The following CARM1 variants were observed in gnomAD, a reference collection of about 807,000 sequenced individuals.
The protein encoded by CARM1 is coactivator associated arginine methyltransferase 1.
In CARM1, 14 loss-of-function variants were observed where a neutral mutation model predicts 72.7. That is an observed-to-expected ratio of 0.19 (90% CI 0.13 to 0.30). The LOEUF is 0.30. Among genes scored for constraint, CARM1 ranks in the 10% least tolerant of loss-of-function variants. CARM1 has a pLI of 1.00. For synonymous variants in CARM1, 333 were observed against 345.5 expected, an observed-to-expected ratio of 0.96 and a Z score of 0.40; for missense variants, 432 against 833.7, an observed-to-expected ratio of 0.52 and a Z score of 5.93.
At chr19:10,894,859 A>G (rs1206655705) in intron 1 of CARM1, among the ~76,000 whole-genome samples, 1 of 150,698 alleles carries the variant, frequency 6.6e-6, no homozygotes, top group Non-Finnish European at 1.5e-5. Flanking sequence ...TCCTGCCACA[A>G]CTTCCCACAT....
At chr19:10,900,798 C>G (rs968716818) in intron 1 of CARM1, among the ~76,000 whole-genome samples, 18 of 152,064 alleles carry the variant, frequency 1.2e-4, no homozygotes, top group Non-Finnish European at 2.5e-4. Context: ...ATTCTCCTGC[C>G]TCAGCCTCCC....
At chr19:10,910,973 C>G (rs1409207801) in intron 4 of CARM1, among the ~76,000 whole-genome samples, 1 of 152,212 alleles carries the variant, frequency 6.6e-6, no homozygotes, top group Admixed American at 6.5e-5. Flanking sequence ...TCACTGCAGC[C>G]TCTGCCTCCT....
chr19:10,888,832 C>G (rs1274402370), intron 1 of CARM1, among the ~76,000 whole-genome samples: 4 of 152,336 alleles, frequency 2.6e-5, no homozygotes, highest in Non-Finnish European at 4.4e-5. Flanking sequence ...GGTGCCCCGT[C>G]TCTTTTTCAG....
chr19:10,904,811 GC>G, intron 1 of CARM1, 139 bp from the exon 2 acceptor site: 1 of 1,095,840 alleles, frequency 9.1e-7, no homozygotes, highest in South Asian at 1.5e-5. Context: ...ACCCGGCAAT[GC>G]TGCCAGGGTG....
At chr19:10,905,960 T>C (rs560585019) in intron 2 of CARM1, among the ~76,000 whole-genome samples, 126 of 147,076 alleles carry the variant, frequency 8.6e-4, no homozygotes, top group African/African-American at 3.1e-3. Flanking sequence ...TTTTTTTTTT[T>C]TTTTTTGAGA....
chr19:10,916,545 C>T lies in CARM1; in HGVS notation c.938+48C>T, dbSNP rs2074198204. The T allele has an allele frequency of 1.3e-6, 2 of 1,489,804 alleles. No individual in the cohort carries two copies. The highest frequency in any genetic ancestry group is 1.1e-5 in the South Asian group (1 of 88,176). 92.3% of individuals were successfully genotyped at this position (1,489,804 alleles called of 1,614,324 possible). A position where few individuals can be genotyped will look rare whatever the true frequency, so the allele number is the denominator to read the frequency against. On this transcript the variant is annotated intron_variant, in intron 7 of 15. Coordinates refer to ENST00000327064, the MANE Select transcript of CARM1 (RefSeq NM_199141.2). This position sits in a 1 kb window ranked among gnomAD's most constrained non-coding sequence, Gnocchi z 4.4. ...GCCTGGGCCCCACAGCCTGCCTTCT[C>T]AGGGACAGCCCCAGCTCCCCAGAGA...
intron 3 of CARM1, chr19:10,908,771 CT>C (rs1292108881): frequency 3.8e-6 from 1 of 260,922 alleles, no homozygotes; most frequent in African/African-American, 2.3e-5. Context: ...TGCTTCTCTT[CT>C]TCTTTGGGGC....
chr19:10,879,203 G>A (rs1239131640), intron 1 of CARM1, among the ~76,000 whole-genome samples: 2 of 152,226 alleles, frequency 1.3e-5, no homozygotes, highest in African/African-American at 4.8e-5. Context: ...GACAGAGGAA[G>A]GGACAAAGGA....
At chr19:10,913,078 C>T (rs1261656923) in intron 5 of CARM1, among the ~76,000 whole-genome samples, 2 of 152,044 alleles carry the variant, frequency 1.3e-5, no homozygotes, top group South Asian at 2.1e-4. Flanking sequence ...CAGCAGGGGA[C>T]GGCCCTGAGG....
chr19:10,912,133 C>T lies in CARM1; in HGVS notation c.559-51C>T, dbSNP rs560090793. On this transcript the variant is annotated intron_variant, in intron 4 of 15. Transcript: ENST00000327064. The surrounding 1 kb of genome is among the most constrained non-coding windows in gnomAD (Gnocchi z 4.5). ...ATCCCTTATGATCACTGTCACCTCC[C>T]CATCACCGTCGCCTCCTATGTCTCG... is the stretch of plus-strand genomic sequence containing the variant. 1.9e-5 allele frequency: 24 copies of T among 1,275,848 alleles called. No individual in the cohort carries two copies. In the East Asian group the frequency reaches 5.5e-4, roughly 29 times the overall value. 79.0% of individuals were successfully genotyped at this position (1,275,848 alleles called of 1,614,324 possible).
chr19:10,920,352 T>C lies in CARM1; in HGVS notation c.1197-84T>C. ...GGTCCCTGGCAGAGGGGGCAGGTGC[T>C]TGGGGAGGACTCAAGGCATACAAGG... On this transcript the variant is annotated intron_variant, in intron 10 of 15. Coordinates refer to ENST00000327064, the MANE Select transcript of CARM1 (RefSeq NM_199141.2). This position sits in a 1 kb window ranked among gnomAD's most constrained non-coding sequence, Gnocchi z 5.3. 3.3e-6 allele frequency: 5 copies of C among 1,495,666 alleles called. No homozygotes were observed. The highest frequency in any genetic ancestry group is 4.5e-6 in the Non-Finnish European group (5 of 1,104,572). The allele number at this position is 1,495,666 out of a possible 1,614,324, so 92.6% of individuals were successfully genotyped here.
chr19:10,899,270 C>T (rs1346572832), intron 1 of CARM1, among the ~76,000 whole-genome samples: 1 of 152,222 alleles, frequency 6.6e-6, no homozygotes, highest in Non-Finnish European at 1.5e-5. Flanking sequence ...CTGTAGTTGC[C>T]TGCCTGGCGC....
rs1056865609 is a variant in CARM1 at position 10,871,931 on chromosome 19, G to C, written c.220+9G>C. 28 of 1,183,742 alleles carry C rather than the reference G, an allele frequency of 2.4e-5. No homozygotes were observed. Among genetic ancestry groups the C allele is most frequent in the Non-Finnish European group, 2.8e-5 (27 of 956,492 alleles). The allele number at this position is 1,183,742 out of a possible 1,614,324, so 73.3% of individuals were successfully genotyped here. On this transcript the variant is annotated intron_variant, in intron 1 of 15. Coordinates refer to ENST00000327064, the MANE Select transcript of CARM1 (RefSeq NM_199141.2). The surrounding 1 kb of genome is among the most constrained non-coding windows in gnomAD (Gnocchi z 5.6). ...CATCGCCCTCTACAGCCGTGAGTAC[G>C]GGGCCCCGGGGCAGGCGCAGGGCCG...
At chr19:10,875,787 T>C (rs956234603) in intron 1 of CARM1, among the ~76,000 whole-genome samples, 2 of 151,838 alleles carry the variant, frequency 1.3e-5, no homozygotes, top group Non-Finnish European at 2.9e-5. Flanking sequence ...ATATCTAGGA[T>C]GATCTCATCT....
chr19:10,919,727 G>A (rs1295676356), intron 9 of CARM1, 47 bp downstream of exon 9: 1 of 1,575,098 alleles, frequency 6.3e-7, no homozygotes, highest in Non-Finnish European at 8.7e-7. Context: ...TCAGGCCGAA[G>A]GTCAGGGCCA....
At chr19:10,881,691 G>A (rs1024408011) in intron 1 of CARM1, among the ~76,000 whole-genome samples, 8 of 151,874 alleles carry the variant, frequency 5.3e-5, no homozygotes, top group Admixed American at 3.3e-4. Context: ...CAGGGGGGAC[G>A]GTGACCTTTC....
Position 10,916,802 on chromosome 19 carries a change from C to T in CARM1, c.1020+25C>T, listed in dbSNP as rs983564627. ...GGTGAGTAGGGCCTCCAGGGTACTG[C>T]TGCAGTGATCACTTGCCATTGCTGT... On this transcript the variant is annotated intron_variant, in intron 8 of 15. Transcript: ENST00000327064. The surrounding 1 kb of genome is among the most constrained non-coding windows in gnomAD (Gnocchi z 4.4). The T allele has an allele frequency of 6.7e-6, 10 of 1,494,460 alleles. No homozygotes were observed. The highest frequency in any genetic ancestry group is 9.1e-6 in the Non-Finnish European group (10 of 1,097,108). The allele number at this position is 1,494,460 out of a possible 1,614,324, so 92.6% of individuals were successfully genotyped here.
rs1447991764 is a variant in CARM1, at chr19:10,915,851, G to C, written c.848-556G>C. On this transcript the variant is annotated intron_variant, in intron 6 of 15. Transcript: ENST00000327064. The surrounding 1 kb of genome is among the most constrained non-coding windows in gnomAD (Gnocchi z 4.6). Reference sequence around the variant, plus strand: ...GCCCTTCCCTCAGTCTGTGTGCCCAGACCAGGCAGGCCAAGTGGCCCATCC... The same window carrying C: ...GCCCTTCCCTCAGTCTGTGTGCCCACACCAGGCAGGCCAAGTGGCCCATCC... 1.3e-5 allele frequency among the ~76,000 whole-genome samples: 2 copies of C among 152,186 alleles called. No individual in the cohort carries two copies. Among genetic ancestry groups the C allele is most frequent in the Admixed American group, 1.3e-4 (2 of 15,282 alleles).
chr19:10,878,206 G>A (rs1487063132), intron 1 of CARM1, among the ~76,000 whole-genome samples: 2 of 152,122 alleles, frequency 1.3e-5, no homozygotes, highest in East Asian at 3.8e-4. Flanking sequence ...AGATTGATTA[G>A]GGAAAAAAAC....
Sources: allele counts gnomAD v4.1 joint callset (sites outside exome capture counted in the v4.1 genomes callset), GRCh38; gene constraint gnomAD v4.1.1; non-coding constraint Gnocchi (gnomAD v3.1); transcripts MANE v1.5; gene names NCBI Gene and HGNC (gene_info 2026-07-23, HGNC 2026-07-21).